The following WSCD1 variants were observed in gnomAD, a reference collection of about 807,000 sequenced individuals.
WSCD1 encodes the protein WSC domain sialate O sulfotransferase 1.
In WSCD1, 41 loss-of-function variants were observed where a neutral mutation model predicts 60.4. That is an observed-to-expected ratio of 0.68 (90% confidence interval 0.53 to 0.88). The LOEUF (loss-of-function observed/expected upper bound fraction) is 0.88, where lower values mean the gene tolerates loss of function less well. WSCD1 is among the 40% of genes least tolerant of loss of function. The pLI is 0.00. For missense variants in WSCD1, 784 were observed against 796.2 expected, an observed-to-expected ratio of 0.98 and a Z score of 0.18; for synonymous variants, 361 against 332.5, an observed-to-expected ratio of 1.09 and a Z score of -0.93.
chr17:6,074,154 A>G (rs1009247498), intron 1 of WSCD1, among the ~76,000 whole-genome samples: 3 of 152,098 alleles, frequency 2.0e-5, no homozygotes, highest in African/African-American at 7.2e-5. Flanking sequence ...TGGAGTTTTG[A>G]CCTATTATGT....
rs1010306905 is a variant in WSCD1, at chr17:6,101,096, G to A, written c.849+5873G>A. On this transcript the variant is annotated intron_variant, in intron 5 of 8. Transcript: ENST00000317744. This position sits in a 1 kb window ranked among gnomAD's most constrained non-coding sequence, Gnocchi z 4.1. ...GAGGTGAATCTGGGGATGTCTGGCC[G>A]TATTTGCCTGCTCTGAAGTGCCAAG... Among the ~76,000 whole-genome samples the A allele has an allele frequency of 1.3e-5, 2 of 152,070 alleles. No individual in the cohort carries two copies. Among genetic ancestry groups the A allele is most frequent in the African/African-American group, 4.8e-5 (2 of 41,412 alleles).
chr17:6,090,544 T>G, intron 4 of WSCD1, 39 bp downstream of exon 4: 2 of 1,600,754 alleles, frequency 1.2e-6, no homozygotes, highest in Non-Finnish European at 1.7e-6. Context: ...TGTCCGTCTG[T>G]CCCACCCGCT....
At chr17:6,073,756 G>A (rs1395280390) in intron 1 of WSCD1, among the ~76,000 whole-genome samples, 1 of 152,254 alleles carries the variant, frequency 6.6e-6, no homozygotes, top group African/African-American at 2.4e-5. Context: ...CCCCGGCGCT[G>A]GTGCTGTGTC....
Position 6,110,955 on chromosome 17 carries a change from G to A in WSCD1, c.1174+20G>A, listed in dbSNP as rs776489017. ...ACAAAGGTAAGTCAAAGCTACAGGG[G>A]ACGATGGAAGGCAGCTCCCGGTGAC... On this transcript the variant is annotated intron_variant, in intron 7 of 8. Transcript: ENST00000317744. The surrounding 1 kb of genome is among the most constrained non-coding windows in gnomAD (Gnocchi z 4.8). 1 of 1,577,500 alleles carries A rather than the reference G, an allele frequency of 6.3e-7. No individual in the cohort carries two copies. The highest frequency in any genetic ancestry group is 8.7e-7 in the Non-Finnish European group (1 of 1,155,692).
chr17:6,101,224 A>G lies in WSCD1; in HGVS notation c.849+6001A>G, dbSNP rs1910780105. Among the ~76,000 whole-genome samples, 1 of 152,274 alleles carries G rather than the reference A, an allele frequency of 6.6e-6. No individual in the cohort carries two copies. Among genetic ancestry groups the G allele is most frequent in the East Asian group, 1.9e-4 (1 of 5,172 alleles). ...GCCGAAAAACAAGCTCAAATGTCCTATGATGTGGGAATGGTTAAATTATGC... is the reference window on the plus strand; with the variant it reads ...GCCGAAAAACAAGCTCAAATGTCCTGTGATGTGGGAATGGTTAAATTATGC... On this transcript the variant is annotated intron_variant, in intron 5 of 8. Transcript: ENST00000317744. The surrounding 1 kb of genome is among the most constrained non-coding windows in gnomAD (Gnocchi z 4.1).
intron 5 of WSCD1, among the ~76,000 whole-genome samples, chr17:6,107,650 G>A (rs967912544): frequency 2.0e-5 from 3 of 152,198 alleles, no homozygotes; most frequent in South Asian, 2.1e-4. Context: ...CAGATGGGCC[G>A]CCGTGTGCCG....
chr17:6,094,841 A>G (rs866375528), intron 4 of WSCD1, among the ~76,000 whole-genome samples: 2 of 152,308 alleles, frequency 1.3e-5, no homozygotes, highest in Middle Eastern at 6.8e-3. Flanking sequence ...GAGAACTGGC[A>G]GAAGCAAGAG....
intron 1 of WSCD1, among the ~76,000 whole-genome samples, chr17:6,076,713 A>T (rs4239260): frequency 0.11 from 17,031 of 152,142 alleles, 1,416 homozygotes; most frequent in East Asian, 0.45. Context: ...TGGCTTTCGG[A>T]TGTAGTGGGT....
intron 1 of WSCD1, among the ~76,000 whole-genome samples, chr17:6,077,071 C>T (rs1908909380): frequency 6.7e-6 from 1 of 149,426 alleles, no homozygotes; most frequent in South Asian, 2.1e-4. Context: ...GTGACAAGTT[C>T]CTGCAAGTTC....
In WSCD1 at chr17:6,123,760, T is replaced by C. The variant is rs1460928928; in HGVS notation, c.*3099T>C. 6.6e-6 allele frequency: 1 copy of C among 152,224 alleles called. No homozygotes were observed. Among genetic ancestry groups the C allele is most frequent in the Non-Finnish European group, 1.5e-5 (1 of 68,044 alleles). The allele number at this position is 152,224 out of a possible 1,614,324, so 9.4% of individuals were successfully genotyped here. A position where few individuals can be genotyped will look rare whatever the true frequency, so the allele number is the denominator to read the frequency against. On this transcript the variant is annotated 3_prime_UTR_variant, in exon 9 of 9. Coordinates refer to ENST00000317744, the MANE Select transcript of WSCD1 (RefSeq NM_015253.2). ...ATTGATTCGTCTGACTTCCTATTTA[T>C]CACCACTCAATATTGGGTGAGTTGG...
intron 1 of WSCD1, among the ~76,000 whole-genome samples, chr17:6,079,558 G>A (rs1442389740): frequency 6.6e-6 from 1 of 152,278 alleles, no homozygotes; most frequent in Non-Finnish European, 1.5e-5. Flanking sequence ...GCAGGTGCAC[G>A]GCTCAGGCGC....
chr17:6,090,411 C>T lies in WSCD1; in HGVS notation c.633C>T (p.Asn211=). ...PAVSVGLEEC[N]HECKGEKGSV... is the part of the protein sequence containing the mutation. ...TGAGCGTGGGGCTGGAAGAGTGTAA[C>T]CATGAGTGCAAAGGCGAGAAGGGCT... Residue 211 remains asparagine, a synonymous_variant, in exon 4 of 9, where the codon AAC becomes AAT. Transcript: ENST00000317744. 1.2e-6 allele frequency: 2 copies of T among 1,612,498 alleles called. No individual in the cohort carries two copies. Among genetic ancestry groups the T allele is most frequent in the South Asian group, 1.1e-5 (1 of 90,816 alleles).
rs1911295944 is a variant in WSCD1, at chr17:6,109,682, G to T, written c.925G>T (p.Ala309Ser). ...TACCCCCCGGTTCAACCTGCGGGAT[G>T]CCATGGACAGCTCAGTATGTGGCCA... Reference protein sequence around the residue: ...YPTPRFNLRDAMDSSVCGQDP... With the variant: ...YPTPRFNLRDSMDSSVCGQDP... The change falls in exon 6 of 9, where the codon GCC (alanine) becomes TCC (serine). Residue 309 changes from alanine (A) to serine (S), a missense_variant. Coordinates refer to ENST00000317744, the MANE Select transcript of WSCD1 (RefSeq NM_015253.2). 1 of 1,614,184 alleles carries T rather than the reference G, an allele frequency of 6.2e-7. No individual in the cohort carries two copies. The highest frequency in any genetic ancestry group is 8.5e-7 in the Non-Finnish European group (1 of 1,180,036).
chr17:6,087,886 TGA>T, intron 2 of WSCD1, 102 bp from the exon 3 acceptor site: 1 of 889,324 alleles, frequency 1.1e-6, no homozygotes, highest in Non-Finnish European at 1.8e-6. Context: ...CGGGTTTCTC[TGA>T]GAGTGGCCTT....
rs564274219 is a variant in WSCD1 at position 6,081,043 on chromosome 17, G to T, written c.385G>T (p.Ala129Ser). ...HFMSDSQGPPALGPEAARPAI... is the reference protein window; with the variant it reads ...HFMSDSQGPPSLGPEAARPAI... ...CATGAGTGACTCCCAGGGACCGCCC[G>T]CCCTGGGCCCCGAGGCTGCCAGGCC... The change falls in exon 2 of 9, where the codon GCC becomes TCC. Residue 129 changes from alanine (A) to serine (S), a missense_variant. Ala to Ser is a moderately conservative substitution (Grantham distance 99). Coordinates refer to ENST00000317744, the MANE Select transcript of WSCD1 (RefSeq NM_015253.2). 4.5e-6 allele frequency: 7 copies of T among 1,541,138 alleles called. No homozygotes were observed. Among genetic ancestry groups the T allele is most frequent in the Non-Finnish European group, 5.2e-6 (6 of 1,145,166 alleles).
In WSCD1 at chr17:6,097,821, G is replaced by C. The variant is rs1910540623; in HGVS notation, c.849+2598G>C. On this transcript the variant is annotated intron_variant, in intron 5 of 8. Coordinates refer to ENST00000317744, the MANE Select transcript of WSCD1 (RefSeq NM_015253.2). ...TATACCCCGATCAGTGATGTGTGAGGGGGAGGCAAGGCACCCTCGTAACCC... is the reference window on the plus strand; with the variant it reads ...TATACCCCGATCAGTGATGTGTGAGCGGGAGGCAAGGCACCCTCGTAACCC... Among the ~76,000 whole-genome samples, 11 of 152,282 alleles carry C rather than the reference G, an allele frequency of 7.2e-5. No individual in the cohort carries two copies. The South Asian group carries it at 2.3e-3, about 32-fold the overall frequency.
At position 6,120,949 on chromosome 17, in the gene WSCD1, G is replaced by C; in HGVS notation, c.*288G>C. 4.4e-6 allele frequency: 2 copies of C among 457,058 alleles called. No homozygotes were observed. Among genetic ancestry groups the C allele is most frequent in the Non-Finnish European group, 7.9e-6 (2 of 252,890 alleles). 28.3% of individuals were successfully genotyped at this position (457,058 alleles called of 1,614,324 possible). The stretch of plus-strand genomic sequence containing the variant: ...GATGCAGAGAAGCCACCCACGTGGG[G>C]TGTGCCAGGCACCCCCAGATACAAA... On this transcript the variant is annotated 3_prime_UTR_variant, in exon 9 of 9. Coordinates refer to ENST00000317744, the MANE Select transcript of WSCD1 (RefSeq NM_015253.2).
chr17:6,108,057 C>T (rs879388126), intron 5 of WSCD1, among the ~76,000 whole-genome samples: 2 of 152,092 alleles, frequency 1.3e-5, no homozygotes, highest in Admixed American at 6.5e-5. Context: ...AGCATGCGGC[C>T]TGTACTTATA....
At chr17:6,081,665 C>G (rs543679371) in intron 2 of WSCD1, among the ~76,000 whole-genome samples, 2 of 150,928 alleles carry the variant, frequency 1.3e-5, no homozygotes, top group Admixed American at 6.6e-5. Flanking sequence ...GAGCAGAGAT[C>G]GGGCCACTGC....
Sources: allele counts gnomAD v4.1 joint callset (sites outside exome capture counted in the v4.1 genomes callset), GRCh38; gene constraint gnomAD v4.1.1; non-coding constraint Gnocchi (gnomAD v3.1); transcripts MANE v1.5; gene names NCBI Gene and HGNC (gene_info 2026-07-23, HGNC 2026-07-21).